ABT1: variants seen among roughly 807,000 people sequenced by gnomAD.
ABT1 encodes the protein activator of basal transcription 1.
ABT1 carries 13 observed loss-of-function variants against 14.0 expected under a neutral mutation model. The ratio of observed to expected loss-of-function variants is 0.93; its 90% CI spans 0.61 to 1.48. The LOEUF is 1.48. Ranked by LOEUF, ABT1 falls within the 40% of genes most tolerant of loss-of-function variation. The pLI is 0.00. For missense variants in ABT1, 430 were observed against 380.0 expected, an observed-to-expected ratio of 1.13 and a Z score of -1.09; for synonymous variants, 165 against 144.6, an observed-to-expected ratio of 1.14 and a Z score of -1.01.
intron 1 of ABT1, 145 bp from the exon 2 acceptor site, chr6:26,597,769 G>T (rs1764921149): frequency 2.7e-6 from 2 of 731,832 alleles, no homozygotes; most frequent in Non-Finnish European, 4.4e-6. Context: ...GAAAGGGTGC[G>T]ATTTACAGTT....
Position 26,597,156 on chromosome 6 carries a change from G to T in ABT1, c.174G>T (p.Arg58=). 6.2e-7 allele frequency: 1 copy of T among 1,614,214 alleles called. No homozygotes were observed. The highest frequency in any genetic ancestry group is 1.3e-5 in the African/African-American group (1 of 75,070). The part of the protein sequence containing the change: ...VYLGHIPPRF[R]PLHVRNLLSA... ...TGGGCCATATCCCGCCGCGCTTCCG[G>T]CCCCTGCACGTCCGCAACCTTCTCA... Residue 58 remains arginine (R), a synonymous_variant, in exon 1 of 3, where the codon CGG becomes CGT. Transcript: ENST00000274849.
In ABT1 at chr6:26,597,219, T is replaced by TGAGGGTAAGTATGCAGGCC; in HGVS notation, c.238_241+15dup. 1 of 1,613,982 alleles carries TGAGGGTAAGTATGCAGGCC rather than the reference T, an allele frequency of 6.2e-7. No homozygotes were observed. The highest frequency in any genetic ancestry group is 1.1e-5 in the South Asian group (1 of 91,064). On this transcript the variant is annotated frameshift_variant, in exon 1 of 3. Coordinates refer to ENST00000274849, the MANE Select transcript of ABT1 (RefSeq NM_013375.4). LOFTEE classifies it high-confidence loss of function. ...AGGTCGGACGCGTCTTCTTTCAGGC[T>TGAGGGTAAGTATGCAGGCC]GAGGGTAAGTATGCAGGCCCTGACG...
intron 1 of ABT1, 135 bp downstream of exon 1, chr6:26,597,358 C>A: frequency 8.8e-7 from 1 of 1,137,166 alleles, no homozygotes; most frequent in Non-Finnish European, 1.2e-6. Context: ...GAGTGCGGTG[C>A]TTGGCTCCTG....
rs782796703 is a variant in ABT1, at chr6:26,598,291, C to T, written c.465C>T (p.His155=). Residue 155 remains histidine (H), a synonymous_variant, in exon 3 of 3, where the codon CAC becomes CAT. Transcript: ENST00000274849. ...ACTTGCACCGTTTCACCTGGTCCCA[C>T]CTCAGCGAGCACCTCGCCTTTGAGC... is the stretch of plus-strand genomic sequence containing the variant. ...LKYLHRFTWS[H]LSEHLAFERQ... is the part of the protein sequence containing the mutation. 6.2e-7 allele frequency: 1 copy of T among 1,613,956 alleles called. No homozygotes were observed. Among genetic ancestry groups the T allele is most frequent in the South Asian group, 1.1e-5 (1 of 91,086 alleles).
In ABT1 at chr6:26,600,219, A is replaced by T. The variant is rs1764958111; in HGVS notation, c.*1574A>T. The T allele has an allele frequency of 6.6e-6, 1 of 152,222 alleles. No individual in the cohort carries two copies. The highest frequency in any genetic ancestry group is 2.4e-5 in the African/African-American group (1 of 41,454). The allele number at this position is 152,222 out of a possible 1,614,324, so 9.4% of individuals were successfully genotyped here. On this transcript the variant is annotated 3_prime_UTR_variant, in exon 3 of 3. Transcript: ENST00000274849. ...CTTAAAGTGAAACAGAAAAATCCAG[A>T]ATCAGAATTTGACAGGCTGGCATAT...
Position 26,598,080 on chromosome 6 carries a change from C to G in ABT1, c.408C>G (p.Ser136Arg). 1 of 1,613,056 alleles carries G rather than the reference C, an allele frequency of 6.2e-7. No homozygotes were observed. The highest frequency in any genetic ancestry group is 8.5e-7 in the Non-Finnish European group (1 of 1,179,188). The change falls in exon 2 of 3, where the codon AGC becomes AGG. Residue 136 changes from serine to arginine, a missense_variant. Ser to Arg is a moderately radical substitution (Grantham distance 110). Transcript: ENST00000274849. ...CGCCTATGGGTGCCCGCAGGCGCAG[C>G]CCCTTCCGTTATGATCTTTGGAACC... ...HNTPMGARRR[S>R]PFRYDLWNLK...
rs1266972716 is a variant in ABT1 at position 26,599,712 on chromosome 6, A to G, written c.*1067A>G. On this transcript the variant is annotated 3_prime_UTR_variant, in exon 3 of 3. Coordinates refer to ENST00000274849, the MANE Select transcript of ABT1 (RefSeq NM_013375.4). Reference sequence around the variant, plus strand: ...ACCAGTGCACCTCAGGTGCACTTACATATGGTGGGGCTGAGGCAAAGCAGC... The same window carrying G: ...ACCAGTGCACCTCAGGTGCACTTACGTATGGTGGGGCTGAGGCAAAGCAGC... 6.6e-6 allele frequency: 1 copy of G among 152,208 alleles called. No individual in the cohort carries two copies. The highest frequency in any genetic ancestry group is 2.1e-4 in the South Asian group (1 of 4,830). 9.4% of individuals were successfully genotyped at this position (152,208 alleles called of 1,614,324 possible). A position where few individuals can be genotyped will look rare whatever the true frequency, so the allele number is the denominator to read the frequency against.
rs1026449608 is a variant in ABT1, at chr6:26,599,695, A to G, written c.*1050A>G. ...GCAAAGCCTAGTAGAGAACCAGTGC[A>G]CCTCAGGTGCACTTACATATGGTGG... On this transcript the variant is annotated 3_prime_UTR_variant, in exon 3 of 3. Coordinates refer to ENST00000274849, the MANE Select transcript of ABT1 (RefSeq NM_013375.4). The G allele has an allele frequency of 6.6e-6, 1 of 152,210 alleles. No individual in the cohort carries two copies. The highest frequency in any genetic ancestry group is 2.4e-5 in the African/African-American group (1 of 41,430). 9.4% of individuals were successfully genotyped at this position (152,210 alleles called of 1,614,324 possible). A position where few individuals can be genotyped will look rare whatever the true frequency, so the allele number is the denominator to read the frequency against.
chr6:26,598,659 C>A lies in ABT1; in HGVS notation c.*14C>A. ...AGGGACTCCTGAGGGCCTGGGTGGC[C>A]CCTTCCATTTCCTGGCCCTGCTCTG... On this transcript the variant is annotated 3_prime_UTR_variant, in exon 3 of 3. Transcript: ENST00000274849. 6.6e-7 allele frequency: 1 copy of A among 1,524,978 alleles called. No homozygotes were observed. Among genetic ancestry groups the A allele is most frequent in the Non-Finnish European group, 8.8e-7 (1 of 1,136,656 alleles). The allele number at this position is 1,524,978 out of a possible 1,614,324, so 94.5% of individuals were successfully genotyped here. A position where few individuals can be genotyped will look rare whatever the true frequency, so the allele number is the denominator to read the frequency against.
In ABT1 at chr6:26,597,018, G is replaced by A. The variant is rs149473775; in HGVS notation, c.36G>A (p.Glu12=). ...AGGAATCGGAGAAGGCCGCAACGGAGCAAGAGCCGCTGGAAGGGACAGAAC... is the reference window on the plus strand; with the variant it reads ...AGGAATCGGAGAAGGCCGCAACGGAACAAGAGCCGCTGGAAGGGACAGAAC... ...EAEESEKAAT[E]QEPLEGTEQT... is the part of the protein sequence containing the mutation. The change falls in exon 1 of 3, where the codon GAG becomes GAA. Residue 12 remains glutamate, a synonymous_variant. Coordinates refer to ENST00000274849, the MANE Select transcript of ABT1 (RefSeq NM_013375.4). The A allele has an allele frequency of 1.5e-5, 24 of 1,613,150 alleles. No individual in the cohort carries two copies. Among genetic ancestry groups the A allele is most frequent in the East Asian group, 6.7e-5 (3 of 44,882 alleles).
chr6:26,597,267 C>A, intron 1 of ABT1, 44 bp downstream of exon 1: 1 of 1,598,850 alleles, frequency 6.3e-7, no homozygotes. Context: ...GGTTGTCGCT[C>A]GCTGGCGGGG....
rs945196068 is a variant in ABT1, at chr6:26,600,270, C to T, written c.*1625C>T. On this transcript the variant is annotated 3_prime_UTR_variant, in exon 3 of 3. Transcript: ENST00000274849. ...TCATTTATTCAGAATTCCAAGTGCC[C>T]ATTGCTACTTCTGCTAGATAAAGAG... is the stretch of plus-strand genomic sequence containing the variant. 2 of 152,190 alleles carry T rather than the reference C, an allele frequency of 1.3e-5. No individual in the cohort carries two copies. Among genetic ancestry groups the T allele is most frequent in the Non-Finnish European group, 2.9e-5 (2 of 68,040 alleles). The allele number at this position is 152,190 out of a possible 1,614,324, so 9.4% of individuals were successfully genotyped here.
intron 1 of ABT1, 149 bp from the exon 2 acceptor site, chr6:26,597,765 G>A: frequency 1.4e-6 from 1 of 699,190 alleles, no homozygotes; most frequent in Non-Finnish European, 2.4e-6. Context: ...AGAGGAAAGG[G>A]TGCGATTTAC....
At position 26,598,070 on chromosome 6, in the gene ABT1, G is replaced by T; in HGVS notation, c.398G>T (p.Arg133Leu). The T allele has an allele frequency of 1.2e-6, 2 of 1,613,896 alleles. No homozygotes were observed. Among genetic ancestry groups the T allele is most frequent in the South Asian group, 2.2e-5 (2 of 91,076 alleles). The change falls in exon 2 of 3, where the codon CGC (arginine) becomes CTC (leucine). Residue 133 changes from arginine (R) to leucine (L), a missense_variant. Transcript: ENST00000274849. ...ASLHNTPMGA[R>L]RRSPFRYDLW... The stretch of plus-strand genomic sequence containing the variant: ...CTACACAACACGCCTATGGGTGCCC[G>T]CAGGCGCAGCCCCTTCCGTTATGAT...
intron 1 of ABT1, 120 bp from the exon 2 acceptor site, chr6:26,597,794 C>A (rs1417871371): frequency 2.0e-6 from 2 of 1,022,504 alleles, no homozygotes; most frequent in African/African-American, 1.6e-5. Flanking sequence ...TCCTCCTGGG[C>A]AAAAACTCTT....
Position 26,598,731 on chromosome 6 carries a change from C to G in ABT1, c.*86C>G. On this transcript the variant is annotated 3_prime_UTR_variant, in exon 3 of 3. Transcript: ENST00000274849. Reference sequence around the variant, plus strand: ...GAATGATCGTGACTACCCGGGCAGACATTTTACTGTGTTTCTCAGACCAAG... The same window carrying G: ...GAATGATCGTGACTACCCGGGCAGAGATTTTACTGTGTTTCTCAGACCAAG... 2.7e-6 allele frequency: 4 copies of G among 1,463,174 alleles called. No individual in the cohort carries two copies. The highest frequency in any genetic ancestry group is 3.6e-6 in the Non-Finnish European group (4 of 1,107,044). The allele number at this position is 1,463,174 out of a possible 1,614,324, so 90.6% of individuals were successfully genotyped here. A position where few individuals can be genotyped will look rare whatever the true frequency, so the allele number is the denominator to read the frequency against.
In ABT1 at chr6:26,597,165, C is replaced by G. The variant is rs377045670; in HGVS notation, c.183C>G (p.His61Gln). Residue 61 changes from histidine to glutamine, a missense_variant, in exon 1 of 3, where the codon CAC becomes CAG. Physicochemically the swap from His to Gln is conservative, Grantham distance 24 (BLOSUM62 0). Transcript: ENST00000274849. ...GHIPPRFRPL[H>Q]VRNLLSAYGE... ...TCCCGCCGCGCTTCCGGCCCCTGCA[C>G]GTCCGCAACCTTCTCAGCGCCTATG... The G allele has an allele frequency of 6.8e-6, 11 of 1,614,138 alleles. No homozygotes were observed. Among genetic ancestry groups the G allele is most frequent in the South Asian group, 1.1e-5 (1 of 91,088 alleles).
At position 26,598,790 on chromosome 6, in the gene ABT1, G is replaced by A; in HGVS notation, c.*145G>A. On this transcript the variant is annotated 3_prime_UTR_variant, in exon 3 of 3. Transcript: ENST00000274849. ...GATGGCCCAAACATGGAGTTTTGTG[G>A]GCTTCCACTGTCCCCACTCCGAACT... 1 of 1,097,446 alleles carries A rather than the reference G, an allele frequency of 9.1e-7. No individual in the cohort carries two copies. The allele number at this position is 1,097,446 out of a possible 1,614,324, so 68.0% of individuals were successfully genotyped here. A position where few individuals can be genotyped will look rare whatever the true frequency, so the allele number is the denominator to read the frequency against.
rs782219372 is a variant in ABT1, at chr6:26,598,647, G to A, written c.*2G>A. The A allele has an allele frequency of 4.5e-6, 7 of 1,539,220 alleles. No individual in the cohort carries two copies. The African/African-American group carries it at 8.2e-5, about 18-fold the overall frequency. On this transcript the variant is annotated 3_prime_UTR_variant, in exon 3 of 3. Coordinates refer to ENST00000274849, the MANE Select transcript of ABT1 (RefSeq NM_013375.4). ...CCTTCCCTTGTCAGGGACTCCTGAG[G>A]GCCTGGGTGGCCCCTTCCATTTCCT...
Sources: gnomAD v4.1 joint callset for allele counts on GRCh38, gnomAD v4.1.1 for gene constraint, MANE v1.5 for transcripts, NCBI Gene and HGNC (gene_info 2026-07-23, HGNC 2026-07-21) for gene names.